Variants in DTNB observed in about 807,000 individuals in gnomAD.
DTNB encodes the protein DTN-B.
In DTNB, 63 loss-of-function variants were observed where a neutral mutation model predicts 90.7. The ratio of observed to expected loss-of-function variants is 0.69; its 90% CI spans 0.57 to 0.86. The LOEUF is 0.86. DTNB is among the 40% of genes least tolerant of loss of function. The probability of loss-of-function intolerance (pLI) is 0.00; values close to 1 mark genes in which losing one functional copy is unlikely to be tolerated. For missense variants in DTNB, 744 were observed against 807.1 expected (o/e 0.92, Z 0.95); for synonymous variants, 277 against 286.7 (o/e 0.97, Z 0.34).
intron 10 of DTNB, among the ~76,000 whole-genome samples, chr2:25,479,207 A>C (rs1394619926): frequency 6.6e-6 from 1 of 152,228 alleles, no homozygotes; most frequent in Non-Finnish European, 1.5e-5. Flanking sequence ...AGTATCCATA[A>C]ACACAGCTAA....
intron 9 of DTNB, among the ~76,000 whole-genome samples, chr2:25,484,658 T>C (rs114491243): frequency 0.013 from 2,042 of 152,312 alleles, 40 homozygotes; most frequent in African/African-American, 0.046. Context: ...AGGGAACTGA[T>C]TTTGGTCTCT....
chr2:25,651,417 T>C (rs1403706848), intron 2 of DTNB, among the ~76,000 whole-genome samples: 1 of 152,260 alleles, frequency 6.6e-6, no homozygotes, highest in Non-Finnish European at 1.5e-5. Context: ...CAAACTCATG[T>C]ACATAGTAAA....
intron 6 of DTNB, among the ~76,000 whole-genome samples, chr2:25,581,253 T>C (rs1288575458): frequency 6.6e-6 from 1 of 152,166 alleles, no homozygotes; most frequent in African/African-American, 2.4e-5. Flanking sequence ...GCTGGTTGTC[T>C]ACCATATTTC....
chr2:25,617,895 G>C (rs2071242423), intron 4 of DTNB, among the ~76,000 whole-genome samples: 1 of 152,026 alleles, frequency 6.6e-6, no homozygotes, highest in Admixed American at 6.6e-5. Flanking sequence ...AATTTAAAAA[G>C]AAACTTATTA....
At chr2:25,534,038 T>C (rs545746795) in intron 8 of DTNB, among the ~76,000 whole-genome samples, 1 of 152,096 alleles carries the variant, frequency 6.6e-6, no homozygotes, top group Non-Finnish European at 1.5e-5. Context: ...TTCTTGGGTG[T>C]TTCTCAGAGA....
At chr2:25,382,519 CTTTTTTTTTTTTTTT>C (rs3041261) in intron 19 of DTNB, among the ~76,000 whole-genome samples, 25 of 72,050 alleles carry the variant, frequency 3.5e-4, no homozygotes, top group African/African-American at 1.4e-3. Context: ...AGTTCTCTGC[CTTTTTTTTTTTTTTT>C]TTTTTTTTTT....
intron 1 of DTNB, among the ~76,000 whole-genome samples, chr2:25,662,656 A>G (rs1449351823): frequency 3.4e-5 from 2 of 58,826 alleles, no homozygotes; most frequent in Non-Finnish European, 9.4e-5. Context: ...ACAAATACAC[A>G]CACACACACA....
At chr2:25,573,241 C>T (rs1198099762) in intron 8 of DTNB, among the ~76,000 whole-genome samples, 7 of 151,476 alleles carry the variant, frequency 4.6e-5, no homozygotes, top group Non-Finnish European at 7.4e-5. Context: ...CCACCATGCC[C>T]GGCCCACTTG....
chr2:25,435,305 G>A (rs1218250013), intron 12 of DTNB, among the ~76,000 whole-genome samples: 1 of 152,210 alleles, frequency 6.6e-6, no homozygotes, highest in Non-Finnish European at 1.5e-5. Flanking sequence ...ACAGGTGTGA[G>A]CCATCAGGCT....
intron 8 of DTNB, among the ~76,000 whole-genome samples, chr2:25,551,066 T>A: frequency 6.6e-6 from 1 of 152,242 alleles, no homozygotes; most frequent in African/African-American, 2.4e-5. Context: ...CTTCATACTC[T>A]ATTTCTTATC....
chr2:25,484,770 C>G (rs1158304056), intron 9 of DTNB, among the ~76,000 whole-genome samples: 1 of 152,170 alleles, frequency 6.6e-6, no homozygotes, highest in Non-Finnish European at 1.5e-5. Flanking sequence ...CCTCTCTAGG[C>G]TAGAAGTCAA....
chr2:25,476,389 T>C (rs1193204187), intron 10 of DTNB, among the ~76,000 whole-genome samples: 2 of 152,220 alleles, frequency 1.3e-5, no homozygotes, highest in African/African-American at 2.4e-5. Flanking sequence ...TTTCAAGTCT[T>C]ATTATGTAAG....
chr2:25,493,233 T>C (rs2067973720), intron 9 of DTNB, among the ~76,000 whole-genome samples: 1 of 152,240 alleles, frequency 6.6e-6, no homozygotes, highest in African/African-American at 2.4e-5. Flanking sequence ...CTTCTTTTTT[T>C]GTATTCCCCA....
chr2:25,453,415 G>A (rs991114786), intron 11 of DTNB, among the ~76,000 whole-genome samples: 5 of 152,078 alleles, frequency 3.3e-5, no homozygotes, highest in African/African-American at 9.7e-5. Context: ...CTGACTTCTC[G>A]GAAGAAGTAT....
chr2:25,632,739 C>T (rs1468172471), intron 3 of DTNB, among the ~76,000 whole-genome samples: 5 of 152,208 alleles, frequency 3.3e-5, no homozygotes, highest in Admixed American at 3.3e-4. Flanking sequence ...GCCTCCGTAT[C>T]TGTACAAAAT....
intron 9 of DTNB, among the ~76,000 whole-genome samples, chr2:25,526,369 AT>A (rs1558883691): frequency 1.3e-4 from 6 of 45,702 alleles, no homozygotes; most frequent in Admixed American, 1.2e-3. Context: ...ATAAATATAT[AT>A]ATATATATAT....
chr2:25,611,095 C>T (rs908110024), intron 4 of DTNB, among the ~76,000 whole-genome samples: 3 of 152,186 alleles, frequency 2.0e-5, no homozygotes, highest in African/African-American at 7.2e-5. Flanking sequence ...ACAGTATGCA[C>T]TCTTTTGTGT....
At chr2:25,569,611 T>G (rs2059530846) in intron 8 of DTNB, among the ~76,000 whole-genome samples, 1 of 152,108 alleles carries the variant, frequency 6.6e-6, no homozygotes, top group Admixed American at 6.5e-5. Flanking sequence ...CAGGATCTGC[T>G]CCCTGCTGGA....
chr2:25,602,705 A>G (rs929452118), intron 5 of DTNB, among the ~76,000 whole-genome samples: 1 of 152,226 alleles, frequency 6.6e-6, no homozygotes, highest in African/African-American at 2.4e-5. Context: ...ACATGCAAAA[A>G]GATAAATAAT....
Sources: allele counts gnomAD v4.1 joint callset (sites outside exome capture counted in the v4.1 genomes callset), GRCh38; gene constraint gnomAD v4.1.1; transcripts MANE v1.5; gene names NCBI Gene and HGNC (gene_info 2026-07-23, HGNC 2026-07-21).